Variants in KIRREL1 observed in about 807,000 individuals in gnomAD.
The protein encoded by KIRREL1 is kirre like nephrin family adhesion molecule 1, also known as kin of IRRE-like protein 1.
A neutral mutation model predicts 83.3 loss-of-function variants in KIRREL1; 25 were observed. The ratio of observed to expected loss-of-function variants is 0.30; its 90% CI spans 0.22 to 0.42. The LOEUF (loss-of-function observed/expected upper bound fraction) is 0.42. Ranked by LOEUF, KIRREL1 falls within the 10% of genes least tolerant of loss-of-function variation. KIRREL1 has a pLI of 1.00. For synonymous variants in KIRREL1, 388 were observed against 410.4 expected, an observed-to-expected ratio of 0.95 and a Z score of 0.66; for missense variants, 812 against 1,032.3, an observed-to-expected ratio of 0.79 and a Z score of 2.92.
chr1:157,996,356 C>T (rs1017014617), intron 1 of KIRREL1, among the ~76,000 whole-genome samples: 1 of 151,938 alleles, frequency 6.6e-6, no homozygotes, highest in South Asian at 2.1e-4. Context: ...GAGATTTTCT[C>T]GCTCCCTAGT....
At chr1:158,024,588 G>A (rs528821303) in intron 1 of KIRREL1, among the ~76,000 whole-genome samples, 24 of 152,222 alleles carry the variant, frequency 1.6e-4, no homozygotes, top group African/African-American at 5.1e-4. Flanking sequence ...TGAGACACAG[G>A]GTTTTGAACA....
At chr1:158,071,472 G>A (rs1661514239) in intron 1 of KIRREL1, among the ~76,000 whole-genome samples, 1 of 152,204 alleles carries the variant, frequency 6.6e-6, no homozygotes, top group South Asian at 2.1e-4. Context: ...GTGTCTGAAG[G>A]CAGGGAGGGA....
At chr1:158,042,006 TCA>T (rs1438981234) in intron 1 of KIRREL1, among the ~76,000 whole-genome samples, 1 of 152,138 alleles carries the variant, frequency 6.6e-6, no homozygotes, top group Admixed American at 6.5e-5. Context: ...TCACAGGAAC[TCA>T]GAGAACTTGC....
Position 158,078,141 on chromosome 1 carries a change from G to A in KIRREL1, c.352+1G>A. The A allele has an allele frequency of 6.2e-7, 1 of 1,613,894 alleles. No individual in the cohort carries two copies. The highest frequency in any genetic ancestry group is 8.5e-7 in the Non-Finnish European group (1 of 1,179,994). On this transcript the variant is annotated splice_donor_variant, in intron 3 of 14. Coordinates refer to ENST00000359209, the MANE Select transcript of KIRREL1 (RefSeq NM_018240.7). LOFTEE classifies it high-confidence loss of function. Reference sequence around the variant, plus strand: ...CGGCGGGCCAAACTCACCGTGCTCAGTAAGGACCCCAATACCCTTCAGTAC... The same window carrying A: ...CGGCGGGCCAAACTCACCGTGCTCAATAAGGACCCCAATACCCTTCAGTAC...
At chr1:157,999,427 T>C (rs760503497) in intron 1 of KIRREL1, among the ~76,000 whole-genome samples, 3 of 152,164 alleles carry the variant, frequency 2.0e-5, no homozygotes, top group Non-Finnish European at 4.4e-5. Context: ...TCCTATGGTG[T>C]AGGCAGGAGA....
chr1:158,073,503 A>G (rs1160918598), intron 1 of KIRREL1, among the ~76,000 whole-genome samples: 1 of 152,240 alleles, frequency 6.6e-6, no homozygotes. Context: ...AGAAATAGAC[A>G]TTAACATTCC....
Position 158,084,579 on chromosome 1 carries a change from G to A in KIRREL1, c.510G>A (p.Thr170=), listed in dbSNP as rs1661965326. 3.9e-6 allele frequency: 6 copies of A among 1,551,254 alleles called. No homozygotes were observed. Among genetic ancestry groups the A allele is most frequent in the Admixed American group, 2.0e-5 (1 of 50,956 alleles). Residue 170 remains threonine (T), a splice_region_variant and synonymous_variant, in exon 4 of 15, where the codon ACG becomes ACA. Transcript: ENST00000359209. The part of the protein sequence containing the change: ...GTQQEGAVAS[T]ELLKDGKRET... ...AGCAGGAGGGCGCTGTGGCCAGCAC[G>A]GTGAGCTCCAGCCAGCTCCCCCAGC...
chr1:158,005,083 C>A (rs1453110267), intron 1 of KIRREL1, among the ~76,000 whole-genome samples: 1 of 152,140 alleles, frequency 6.6e-6, no homozygotes, highest in Non-Finnish European at 1.5e-5. Flanking sequence ...CTCACAAAGT[C>A]TGGGGTCAGA....
chr1:158,092,343 G>GTTTTTTTT (rs1553244395), intron 11 of KIRREL1, among the ~76,000 whole-genome samples: 3 of 108,352 alleles, frequency 2.8e-5, no homozygotes, highest in African/African-American at 1.1e-4. Flanking sequence ...CATCACTTCA[G>GTTTTTTTT]TCTTTTTTTT....
intron 1 of KIRREL1, among the ~76,000 whole-genome samples, chr1:158,047,744 C>T (rs921966235): frequency 3.3e-5 from 5 of 152,074 alleles, no homozygotes; most frequent in African/African-American, 9.7e-5. Context: ...GGCCAGAACC[C>T]GGTTCATGAG....
intron 1 of KIRREL1, among the ~76,000 whole-genome samples, chr1:158,052,206 A>G (rs561391564): frequency 2.3e-4 from 35 of 152,282 alleles, no homozygotes; most frequent in African/African-American, 7.9e-4. Flanking sequence ...GTTAATCAGA[A>G]CCAGTTGCAT....
At chr1:158,067,689 T>C (rs1210724008) in intron 1 of KIRREL1, among the ~76,000 whole-genome samples, 1 of 152,228 alleles carries the variant, frequency 6.6e-6, no homozygotes, top group Non-Finnish European at 1.5e-5. Flanking sequence ...CCACGTCTCC[T>C]AACTTCTGGC....
chr1:158,025,343 C>G (rs1479079127), intron 1 of KIRREL1, among the ~76,000 whole-genome samples: 1 of 151,730 alleles, frequency 6.6e-6, no homozygotes, highest in Non-Finnish European at 1.5e-5. Flanking sequence ...CTCGGGGAAA[C>G]GACAGAGAAA....
At chr1:158,010,337 AC>A (rs1659638843) in intron 1 of KIRREL1, among the ~76,000 whole-genome samples, 1 of 139,820 alleles carries the variant, frequency 7.2e-6, no homozygotes, top group East Asian at 2.0e-4. Flanking sequence ...ACACACACAC[AC>A]ACACACACAC....
intron 1 of KIRREL1, among the ~76,000 whole-genome samples, chr1:158,006,766 C>A (rs1386725150): frequency 1.3e-5 from 2 of 152,212 alleles, no homozygotes; most frequent in Admixed American, 6.5e-5. Context: ...GGACCCTCCT[C>A]CTCTCTCCAC....
intron 1 of KIRREL1, among the ~76,000 whole-genome samples, chr1:158,006,122 TG>T (rs1403672875): frequency 2.6e-5 from 4 of 152,200 alleles, no homozygotes; most frequent in African/African-American, 9.6e-5. Context: ...ACAGAACCTG[TG>T]GTGAGAAATG....
In KIRREL1 at chr1:158,087,769, A is replaced by G; in HGVS notation, c.676A>G (p.Thr226Ala). ...ELDVHHPPTV[T>A]LSIEPQTVQE... ...CTACTTTGCAGACCCTCCTACAGTG[A>G]CCCTGTCCATTGAGCCACAGACGGT... The change falls in exon 6 of 15, where the codon ACC (threonine) becomes GCC (alanine). Residue 226 changes from threonine (T) to alanine (A), a missense_variant. By Grantham distance (58) the Thr-to-Ala change is moderately conservative (BLOSUM62 0). This residue lies in a region of KIRREL1 where 472 missense variants were observed against 626.8 expected (regional missense o/e 0.75). Transcript: ENST00000359209. The G allele has an allele frequency of 2.5e-6, 4 of 1,613,740 alleles. No homozygotes were observed. The highest frequency in any genetic ancestry group is 2.5e-6 in the Non-Finnish European group (3 of 1,179,816).
chr1:157,994,320 C>A (rs1041674002), intron 1 of KIRREL1, among the ~76,000 whole-genome samples: 1 of 151,830 alleles, frequency 6.6e-6, no homozygotes, highest in African/African-American at 2.4e-5. Context: ...GATTTGGAAC[C>A]CCTGCCCACG....
intron 5 of KIRREL1, among the ~76,000 whole-genome samples, chr1:158,087,134 T>A (rs1372376675): frequency 6.6e-6 from 1 of 152,162 alleles, no homozygotes; most frequent in East Asian, 1.9e-4. Context: ...TTTAATTTAG[T>A]CTTAAGTTTC....
Sources: allele counts gnomAD v4.1 joint callset (sites outside exome capture counted in the v4.1 genomes callset), GRCh38; gene constraint gnomAD v4.1.1; regional missense constraint gnomAD v4.1.1; transcripts MANE v1.5; gene names NCBI Gene and HGNC (gene_info 2026-07-23, HGNC 2026-07-21).